Variants in LRP2 observed in about 807,000 individuals in gnomAD.
LRP2 encodes LDL receptor related protein 2, also known as low-density lipoprotein receptor-related protein 2.
In LRP2, 172 loss-of-function variants were observed where a neutral mutation model predicts 531.0. That is an observed-to-expected ratio of 0.32 (90% CI 0.29 to 0.37). LRP2 has a LOEUF of 0.37. Among genes scored for constraint, LRP2 ranks in the 10% least tolerant of loss-of-function variants. The pLI, the probability that LRP2 is intolerant of heterozygous loss-of-function variation, is 1.00. For synonymous variants in LRP2, 1,992 were observed against 2,027.6 expected (o/e 0.98, Z 0.47); for missense variants, 5,167 against 5,868.3 (o/e 0.88, Z 3.90).
At chr2:169,274,932 C>T (rs1476441870) in intron 14 of LRP2, 104 bp downstream of exon 14, 1 of 1,119,606 alleles carries the variant, frequency 8.9e-7, no homozygotes, top group Non-Finnish European at 1.3e-6. Context: ...TTGAGAATGC[C>T]ACCCAAATCA....
At chr2:169,213,945 C>G (rs1027732038) in intron 35 of LRP2, 75 bp from the exon 36 acceptor site, 1 of 970,336 alleles carries the variant, frequency 1.0e-6, no homozygotes, top group Admixed American at 1.8e-5. Context: ...TAATATTCTC[C>G]TAATTATAAT....
chr2:169,309,765 T>C (rs1390942488), intron 3 of LRP2, among the ~76,000 whole-genome samples: 2 of 152,182 alleles, frequency 1.3e-5, no homozygotes, highest in African/African-American at 4.8e-5. Context: ...GTGAAGAAAG[T>C]CATTGGTAGC....
intron 1 of LRP2, among the ~76,000 whole-genome samples, chr2:169,359,893 G>A (rs959680407): frequency 1.3e-5 from 2 of 152,016 alleles, no homozygotes; most frequent in Non-Finnish European, 2.9e-5. Context: ...GGAGGCCTAG[G>A]CGGGCAGATC....
rs966492135 is a variant in LRP2 at position 169,361,884 on chromosome 2, A to C, written c.79+437T>G. Reference sequence around the variant, plus strand: ...CTGGCCCGCGGCCCTGGGCGCGCGAAGGGATCCCGGGAGGGGCGCTGCAGG... The same window carrying C: ...CTGGCCCGCGGCCCTGGGCGCGCGACGGGATCCCGGGAGGGGCGCTGCAGG... On this transcript the variant is annotated intron_variant, in intron 1 of 78. Transcript: ENST00000649046. Among the ~76,000 whole-genome samples, 165 of 152,206 alleles carry C rather than the reference A, an allele frequency of 1.1e-3. 2 individuals are homozygous for C. The highest frequency in any genetic ancestry group is 1.2e-4 in the Non-Finnish European group (8 of 67,996).
chr2:169,285,926 G>A (rs778534153), intron 9 of LRP2, among the ~76,000 whole-genome samples: 14 of 152,162 alleles, frequency 9.2e-5, no homozygotes, highest in Admixed American at 2.6e-4. Context: ...TGTTGCATAG[G>A]TTTCCAACAC....
chr2:169,147,028 G>T, intron 68 of LRP2, 69 bp from the exon 69 acceptor site: 1 of 1,184,356 alleles, frequency 8.4e-7, no homozygotes, highest in South Asian at 1.3e-5. Context: ...CAGAGCACAG[G>T]GCATTACCTA....
rs774216097 is a variant in LRP2, at chr2:169,174,049, G to A, written c.10884C>T (p.Ser3628=). 41 of 1,614,090 alleles carry A rather than the reference G, an allele frequency of 2.5e-5. No individual in the cohort carries two copies. The highest frequency in any genetic ancestry group is 3.4e-5 in the Non-Finnish European group (40 of 1,180,052). The stretch of plus-strand genomic sequence containing the variant: ...GCCGGCAGGTCCTGCTGGCACAGTG[G>A]GAACTGTCTTCATCTGAGTTATCCT... ...DCEDNSDEDS[S]HCASRTCRPG... is the part of the protein sequence containing the mutation. Residue 3628 remains serine (S), a synonymous_variant, in exon 56 of 79, where the codon TCC becomes TCT. Transcript: ENST00000649046.
At chr2:169,357,294 A>T (rs1332796609) in intron 1 of LRP2, among the ~76,000 whole-genome samples, 37 of 22,954 alleles carry the variant, frequency 1.6e-3, no homozygotes, top group African/African-American at 5.6e-3. Context: ...ATTTATTTTT[A>T]TTTTATTTTA....
Position 169,152,917 on chromosome 2 carries a change from T to C in LRP2, c.12343A>G (p.Ile4115Val), listed in dbSNP as rs757973016. 1.1e-5 allele frequency: 17 copies of C among 1,613,962 alleles called. No homozygotes were observed. Among genetic ancestry groups the C allele is most frequent in the Admixed American group, 8.3e-5 (5 of 60,002 alleles). The change falls in exon 67 of 79, where the codon ATC becomes GTC. Residue 4115 changes from isoleucine (I) to valine (V), a missense_variant. By Grantham distance (29) the Ile-to-Val change is conservative (BLOSUM62 3). This residue lies in a region of LRP2 where 564 missense variants were observed against 747.7 expected (regional missense o/e 0.75). Transcript: ENST00000649046. Reference sequence around the variant, plus strand: ...AAGTTGGGGATGTAGGCACGTTTGATAGCACCAAACCTAGAGCCCTCCCCT... The same window carrying C: ...AAGTTGGGGATGTAGGCACGTTTGACAGCACCAAACCTAGAGCCCTCCCCT... ...VRGEGSRFGA[I>V]KRAYIPNFES...
rs557468888 is a variant in LRP2, at chr2:169,202,907, G to A, written c.8058C>T (p.Ala2686=). ...QCPHEGNWYL[A]NNRKHCIVDN... Reference sequence around the variant, plus strand: ...CCACAATGCAGTGCTTCCTGTTGTTGGCCAAATACCAGTTGCCCTCATGTG... The same window carrying A: ...CCACAATGCAGTGCTTCCTGTTGTTAGCCAAATACCAGTTGCCCTCATGTG... Residue 2686 remains alanine (A), a synonymous_variant, in exon 43 of 79, where the codon GCC becomes GCT. Coordinates refer to ENST00000649046, the MANE Select transcript of LRP2 (RefSeq NM_004525.3). 2.5e-6 allele frequency: 4 copies of A among 1,614,094 alleles called. No homozygotes were observed. In the African/African-American group the frequency reaches 4.0e-5, roughly 16 times the overall value.
intron 55 of LRP2, among the ~76,000 whole-genome samples, chr2:169,174,698 C>A (rs749223386): frequency 2.6e-5 from 4 of 151,868 alleles, no homozygotes; most frequent in African/African-American, 7.3e-5. Context: ...TTTGTAGAGA[C>A]AGGCTTTTGC....
At chr2:169,292,173 A>G in intron 7 of LRP2, 80 bp downstream of exon 7, 1 of 1,133,606 alleles carries the variant, frequency 8.8e-7, no homozygotes, top group Non-Finnish European at 1.3e-6. Context: ...CAAAATTTCT[A>G]AAAAGGAAAG....
chr2:169,331,177 T>C (rs1685254215), intron 1 of LRP2, among the ~76,000 whole-genome samples: 1 of 152,232 alleles, frequency 6.6e-6, no homozygotes, highest in Admixed American at 6.5e-5. Context: ...ATTGTGGCTA[T>C]GAAAAACAGT....
rs771503315 is a variant in LRP2, at chr2:169,247,430, A to T, written c.2856T>A (p.Ser952Arg). The T allele has an allele frequency of 6.2e-7, 1 of 1,614,138 alleles. No individual in the cohort carries two copies. The change falls in exon 20 of 79, where the codon AGT becomes AGA. Residue 952 changes from serine (S) to arginine (R), a missense_variant. Ser to Arg is a moderately radical substitution (Grantham distance 110). Around this residue, in one of 6 missense-constraint regions of LRP2, gnomAD observed 2,811 missense variants for 3,058.0 expected, o/e 0.92. Transcript: ENST00000649046. ...ADGGEMTVIR[S>R]GIAYILHLKS... ...TCAAATGCAGTATGTAAGCAATGCC[A>T]CTTCGGATAACTGTCATTTCTCCAC... is the stretch of plus-strand genomic sequence containing the variant.
At chr2:169,178,182 ATTAAAC>A (rs1687284577) in intron 52 of LRP2, among the ~76,000 whole-genome samples, 156 bp from the exon 53 acceptor site, 1 of 152,262 alleles carries the variant, frequency 6.6e-6, no homozygotes, top group African/African-American at 2.4e-5. Context: ...TAAAACAAAA[ATTAAAC>A]TTAAAGGATG....
At chr2:169,324,067 C>A (rs1430331374) in intron 1 of LRP2, among the ~76,000 whole-genome samples, 1 of 152,148 alleles carries the variant, frequency 6.6e-6, no homozygotes, top group South Asian at 2.1e-4. Flanking sequence ...TCATATAGCA[C>A]TTAAATGGCA....
At position 169,181,430 on chromosome 2, in the gene LRP2, G is replaced by A. The variant is rs770652033; in HGVS notation, c.10169+18C>T. 23 of 1,610,930 alleles carry A rather than the reference G, an allele frequency of 1.4e-5. No homozygotes were observed. The highest frequency in any genetic ancestry group is 1.9e-5 in the Non-Finnish European group (22 of 1,177,268). ...ATAAACAGTTACACAATTGTTTTAT[G>A]CTTTTCTATGTACGTACTCTATGTA... is the stretch of plus-strand genomic sequence containing the variant. On this transcript the variant is annotated intron_variant, in intron 52 of 78. Transcript: ENST00000649046.
intron 43 of LRP2, among the ~76,000 whole-genome samples, chr2:169,202,100 C>G (rs2105326427): frequency 6.6e-6 from 1 of 152,194 alleles, no homozygotes; most frequent in Admixed American, 6.5e-5. Context: ...GTAATTTAAG[C>G]ACAAATCAAA....
At chr2:169,209,768 AC>A in intron 37 of LRP2, 127 bp from the exon 38 acceptor site, 1 of 934,888 alleles carries the variant, frequency 1.1e-6, no homozygotes. Context: ...ACAAAATGAA[AC>A]CCTTTTTTCC....
Sources: gnomAD v4.1 joint callset for allele counts (sites outside exome capture counted in the v4.1 genomes callset) on GRCh38, gnomAD v4.1.1 for gene constraint, gnomAD v4.1.1 regional missense constraint, MANE v1.5 for transcripts, NCBI Gene and HGNC (gene_info 2026-07-23, HGNC 2026-07-21) for gene names.